Variants in ARHGAP23 observed in about 807,000 individuals in gnomAD.
The protein encoded by ARHGAP23 is Rho GTPase activating protein 23.
A neutral mutation model predicts 136.3 loss-of-function variants in ARHGAP23; 34 were observed. The ratio of observed to expected loss-of-function variants is 0.25; its 90% CI spans 0.19 to 0.33. The LOEUF (loss-of-function observed/expected upper bound fraction) is 0.33. Among genes scored for constraint, ARHGAP23 ranks in the 10% least tolerant of loss-of-function variants. The pLI is 1.00. For missense variants in ARHGAP23, 1,808 were observed against 2,139.0 expected (o/e 0.85, Z 3.05); for synonymous variants, 832 against 920.5 (o/e 0.90, Z 1.74).
At chr17:38,463,475 C>T in intron 6 of ARHGAP23, 93 bp downstream of exon 6, 1 of 1,439,424 alleles carries the variant, frequency 6.9e-7, no homozygotes, top group Non-Finnish European at 9.5e-7. Context: ...GTTTGGAGGG[C>T]ACAGGCCGAC....
intron 23 of ARHGAP23, among the ~76,000 whole-genome samples, chr17:38,503,959 A>G (rs2040574979): frequency 6.6e-6 from 1 of 152,200 alleles, no homozygotes; most frequent in Non-Finnish European, 1.5e-5. Context: ...CATCGGTTTC[A>G]TTTCATTTTT....
Position 38,510,586 on chromosome 17 carries a change from TC to T in ARHGAP23, c.4093del (p.Arg1365GlyfsTer10). 1 of 1,273,596 alleles carries T rather than the reference TC, an allele frequency of 7.9e-7. No homozygotes were observed. Among genetic ancestry groups the T allele is most frequent in the South Asian group, 2.7e-5 (1 of 36,408 alleles). The allele number at this position is 1,273,596 out of a possible 1,614,324, so 78.9% of individuals were successfully genotyped here. On this transcript the variant is annotated frameshift_variant, in exon 24 of 24. Transcript: ENST00000622683. LOFTEE classifies it high-confidence loss of function. The surrounding 1 kb of genome is among the most constrained non-coding windows in gnomAD (Gnocchi z 4.6). ...GCGGCCCCCGGCGGCGGCGCTGGCC[TC>T]CCGGCCCTCGCGCATGGAGGCGCTG... ...SLRPPAAALA[S>X]RPSRMEALRL...
chr17:38,510,349 G>A lies in ARHGAP23; in HGVS notation c.3853G>A (p.Val1285Met). The change falls in exon 24 of 24, where the codon GTG becomes ATG. Residue 1285 changes from valine to methionine, a missense_variant. This residue lies in a region of ARHGAP23 where 506 missense variants were observed against 455.8 expected (regional missense o/e 1.11). Coordinates refer to ENST00000622683, the MANE Select transcript of ARHGAP23 (RefSeq NM_001199417.2). The surrounding 1 kb of genome is among the most constrained non-coding windows in gnomAD (Gnocchi z 4.6). ...ADDERSELSHVETDTEGAAGA... is the reference protein window; with the variant it reads ...ADDERSELSHMETDTEGAAGA... ...CGACGAGCGTAGCGAGCTGAGCCAC[G>A]TGGAGACGGACACTGAGGGCGCGGC... The A allele has an allele frequency of 2.4e-6, 3 of 1,251,190 alleles. No homozygotes were observed. The highest frequency in any genetic ancestry group is 6.7e-5 in the South Asian group (2 of 30,014). The allele number at this position is 1,251,190 out of a possible 1,614,324, so 77.5% of individuals were successfully genotyped here.
rs867541807 is a variant in ARHGAP23 at position 38,510,017 on chromosome 17, G to T, written c.3521G>T (p.Arg1174Leu). 1 of 1,248,608 alleles carries T rather than the reference G, an allele frequency of 8.0e-7. No individual in the cohort carries two copies. Among genetic ancestry groups the T allele is most frequent in the Non-Finnish European group, 1.0e-6 (1 of 995,474 alleles). 77.3% of individuals were successfully genotyped at this position (1,248,608 alleles called of 1,614,324 possible). A position where few individuals can be genotyped will look rare whatever the true frequency, so the allele number is the denominator to read the frequency against. ...ATCTCCTTCATCTCGGCCGTCAACC[G>T]CAAGCGCAAGAAGCGGCGGGAGGCG... ...LAISFISAVN[R>L]KRKKRREARG... The change falls in exon 24 of 24, where the codon CGC (arginine) becomes CTC (leucine). Residue 1174 changes from arginine to leucine, a missense_variant. Physicochemically the swap from Arg to Leu is moderately radical, Grantham distance 102. Coordinates refer to ENST00000622683, the MANE Select transcript of ARHGAP23 (RefSeq NM_001199417.2). The surrounding 1 kb of genome is among the most constrained non-coding windows in gnomAD (Gnocchi z 4.6).
At chr17:38,448,422 T>C (rs1317450290) in intron 1 of ARHGAP23, among the ~76,000 whole-genome samples, 1 of 152,172 alleles carries the variant, frequency 6.6e-6, no homozygotes, top group African/African-American at 2.4e-5. Flanking sequence ...GTGCTAAGAC[T>C]TTCTTTAATT....
At chr17:38,441,513 A>G (rs1313403517) in intron 1 of ARHGAP23, among the ~76,000 whole-genome samples, 1 of 152,182 alleles carries the variant, frequency 6.6e-6, no homozygotes, top group African/African-American at 2.4e-5. Flanking sequence ...TCATCATGGA[A>G]GAGCCCACAT....
At chr17:38,455,168 CAG>C (rs545409246) in intron 1 of ARHGAP23, among the ~76,000 whole-genome samples, 20 of 152,308 alleles carry the variant, frequency 1.3e-4, no homozygotes, top group Non-Finnish European at 2.6e-4. Context: ...TCCCAGGTCA[CAG>C]GGGAGGAGAG....
chr17:38,508,756 G>A (rs1470285518), intron 23 of ARHGAP23, among the ~76,000 whole-genome samples: 1 of 152,076 alleles, frequency 6.6e-6, no homozygotes, highest in African/African-American at 2.4e-5. Flanking sequence ...TCACAAGACC[G>A]CCCTAAGGTG....
At chr17:38,447,299 G>A (rs898385359) in intron 1 of ARHGAP23, among the ~76,000 whole-genome samples, 8 of 151,716 alleles carry the variant, frequency 5.3e-5, no homozygotes, top group African/African-American at 1.9e-4. Flanking sequence ...AAATTTAGCC[G>A]GGCGTGGTGG....
At chr17:38,443,169 C>A (rs2038956346) in intron 1 of ARHGAP23, among the ~76,000 whole-genome samples, 1 of 152,220 alleles carries the variant, frequency 6.6e-6, no homozygotes, top group South Asian at 2.1e-4. Flanking sequence ...GATGCCAGGA[C>A]AGTGGTCACT....
At chr17:38,462,260 T>G (rs1464521073) in intron 3 of ARHGAP23, among the ~76,000 whole-genome samples, 1 of 142,334 alleles carries the variant, frequency 7.0e-6, no homozygotes, top group Non-Finnish European at 1.5e-5. Context: ...TTTTTTTTTT[T>G]TTTTTTTTTT....
At chr17:38,449,842 C>G (rs1277408952) in intron 1 of ARHGAP23, among the ~76,000 whole-genome samples, 3 of 152,182 alleles carry the variant, frequency 2.0e-5, no homozygotes, top group Admixed American at 6.5e-5. Context: ...GCTGAGCAAG[C>G]TGGAGGAAGG....
intron 11 of ARHGAP23, among the ~76,000 whole-genome samples, chr17:38,476,973 T>C (rs1457609701): frequency 6.6e-6 from 1 of 151,628 alleles, no homozygotes; most frequent in Non-Finnish European, 1.5e-5. Context: ...GAACGTGGGG[T>C]CTCAGGTGCC....
intron 23 of ARHGAP23, among the ~76,000 whole-genome samples, chr17:38,506,228 C>T (rs1037151057): frequency 2.0e-5 from 3 of 152,214 alleles, no homozygotes; most frequent in Admixed American, 6.5e-5. Flanking sequence ...TACTAATCCT[C>T]ACAAATGCCC....
At chr17:38,506,655 G>A (rs138024729) in intron 23 of ARHGAP23, among the ~76,000 whole-genome samples, 2 of 152,172 alleles carry the variant, frequency 1.3e-5, no homozygotes, top group East Asian at 1.9e-4. Flanking sequence ...AAAAGAGAGC[G>A]CAAGAGAGCC....
intron 1 of ARHGAP23, among the ~76,000 whole-genome samples, chr17:38,448,744 C>G (rs1372363146): frequency 6.7e-6 from 1 of 148,938 alleles, no homozygotes; most frequent in African/African-American, 2.5e-5. Context: ...TTCCTGGGCT[C>G]AAGTGATCTT....
chr17:38,426,643 G>A (rs781018973), upstream of ARHGAP23, among the ~76,000 whole-genome samples: 5 of 151,836 alleles, frequency 3.3e-5, no homozygotes, highest in African/African-American at 4.8e-5. Context: ...AATTCTGGCT[G>A]CACATGACCT....
intron 11 of ARHGAP23, among the ~76,000 whole-genome samples, chr17:38,474,054 A>G (rs940585287): frequency 5.3e-5 from 8 of 152,112 alleles, no homozygotes; most frequent in African/African-American, 1.7e-4. Flanking sequence ...CTGAGTAGCT[A>G]GGACTACAGG....
chr17:38,426,572 A>AAAAAAAAAAAAAAAAAAG (rs1567767218), upstream of ARHGAP23, among the ~76,000 whole-genome samples: 4 of 149,390 alleles, frequency 2.7e-5, no homozygotes, highest in African/African-American at 5.0e-5. Flanking sequence ...AAAAAAAAAA[A>AAAAAAAAAAAAAAAAAAG]TCCAGGCAGT....
Sources: gnomAD v4.1 joint callset for allele counts (sites outside exome capture counted in the v4.1 genomes callset) on GRCh38, gnomAD v4.1.1 for gene constraint, gnomAD v4.1.1 regional missense constraint, Gnocchi (gnomAD v3.1) non-coding constraint, MANE v1.5 for transcripts, NCBI Gene and HGNC (gene_info 2026-07-23, HGNC 2026-07-21) for gene names.